TRHDE: variants seen among roughly 807,000 people sequenced by gnomAD.
The protein encoded by TRHDE is thyrotropin releasing hormone degrading enzyme.
Under a neutral mutation model 125.7 loss-of-function variants are expected in TRHDE, and 72 were observed. The observed-to-expected ratio is 0.57, with a 90% confidence interval of 0.47 to 0.70. TRHDE has a LOEUF of 0.70. Ranked by LOEUF, TRHDE falls within the 30% of genes least tolerant of loss-of-function variation. The pLI is 0.00. For synonymous variants in TRHDE, 509 were observed against 509.1 expected (o/e 1.00, Z 0.00); for missense variants, 1,110 against 1,327.1 (o/e 0.84, Z 2.54).
chr12:72,246,332 T>TG (rs1284353507), intron 2 of TRHDE, among the ~76,000 whole-genome samples: 9 of 152,218 alleles, frequency 5.9e-5, no homozygotes, highest in Non-Finnish European at 1.2e-4. Context: ...TGACTTCTGA[T>TG]GCATTATTCT....
chr12:72,609,970 C>G (rs144655169), intron 12 of TRHDE, among the ~76,000 whole-genome samples: 1 of 152,046 alleles, frequency 6.6e-6, no homozygotes, highest in Non-Finnish European at 1.5e-5. Flanking sequence ...TCCATACTAC[C>G]TTTAAGAGTT....
chr12:72,178,405 G>A (rs994872923), intron 2 of TRHDE, among the ~76,000 whole-genome samples: 2 of 152,006 alleles, frequency 1.3e-5, no homozygotes, highest in Admixed American at 6.5e-5. Flanking sequence ...TACATAAAGT[G>A]GTTTAGAACT....
At chr12:72,359,853 A>G (rs1870989335) in intron 2 of TRHDE, among the ~76,000 whole-genome samples, 1 of 151,748 alleles carries the variant, frequency 6.6e-6, no homozygotes, top group Non-Finnish European at 1.5e-5. Flanking sequence ...TTGGTCTTAC[A>G]AGGCTTCAGG....
intron 1 of TRHDE, among the ~76,000 whole-genome samples, chr12:72,285,723 G>A (rs1177622703): frequency 6.6e-6 from 1 of 152,024 alleles, no homozygotes; most frequent in African/African-American, 2.4e-5. Context: ...GTTTCACCAT[G>A]TTGGCCAGGA....
intron 16 of TRHDE, 71 bp downstream of exon 16, chr12:72,652,560 G>T: frequency 7.9e-7 from 1 of 1,270,020 alleles, no homozygotes; most frequent in Admixed American, 2.4e-5. Flanking sequence ...CTCTGAAGTT[G>T]CTTTTATTTA....
At position 72,666,920 on chromosome 12, in the gene TRHDE, C is replaced by A. The variant is rs1565828755; in HGVS notation, c.*3725C>A. 6.6e-6 allele frequency: 1 copy of A among 151,782 alleles called. No individual in the cohort carries two copies. The highest frequency in any genetic ancestry group is 6.6e-5 in the Admixed American group (1 of 15,202). The allele number at this position is 151,782 out of a possible 1,614,324, so 9.4% of individuals were successfully genotyped here. A position where few individuals can be genotyped will look rare whatever the true frequency, so the allele number is the denominator to read the frequency against. The stretch of plus-strand genomic sequence containing the variant: ...TTTATTGAACATTGTTTAAACATAA[C>A]CTTAAAGTACTGATAATTTGCTTAA... On this transcript the variant is annotated 3_prime_UTR_variant, in exon 19 of 19. Transcript: ENST00000261180.
chr12:72,562,221 A>C lies in TRHDE; in HGVS notation c.1845A>C (p.Thr615=). The C allele has an allele frequency of 6.5e-7, 1 of 1,543,478 alleles. No homozygotes were observed. The highest frequency in any genetic ancestry group is 1.2e-5 in the South Asian group (1 of 86,074). ...GNAARNDLWN[T]LSEALKRNGK... is the part of the protein sequence containing the mutation. ...CAGCCAGAAATGATCTCTGGAATACATTATCGGAGGTAAAGTATAGGAAGC... is the reference window on the plus strand; with the variant it reads ...CAGCCAGAAATGATCTCTGGAATACCTTATCGGAGGTAAAGTATAGGAAGC... The change falls in exon 8 of 19, where the codon ACA becomes ACC. Residue 615 remains threonine, a synonymous_variant. Transcript: ENST00000261180.
At chr12:72,491,459 T>C (rs905547629) in intron 5 of TRHDE, among the ~76,000 whole-genome samples, 2 of 151,974 alleles carry the variant, frequency 1.3e-5, no homozygotes, top group South Asian at 2.1e-4. Context: ...TGAGTAAGTC[T>C]GCAGAATAAT....
At chr12:72,400,812 G>A (rs1366636789) in intron 3 of TRHDE, among the ~76,000 whole-genome samples, 2 of 152,066 alleles carry the variant, frequency 1.3e-5, no homozygotes, top group Non-Finnish European at 2.9e-5. Context: ...GTTGAATAAT[G>A]TTCTCTTGTG....
chr12:72,200,067 A>G (rs1877524828), intron 2 of TRHDE, among the ~76,000 whole-genome samples: 1 of 152,202 alleles, frequency 6.6e-6, no homozygotes, highest in African/African-American at 2.4e-5. Flanking sequence ...AGTTTTACAG[A>G]GTTCTAAGAT....
chr12:72,251,138 C>T (rs1439149120), intron 2 of TRHDE, among the ~76,000 whole-genome samples: 1 of 151,634 alleles, frequency 6.6e-6, no homozygotes, highest in Admixed American at 6.6e-5. Context: ...TCAGATTTTA[C>T]CGGTTTTACA....
At position 72,184,957 on chromosome 12, in the gene TRHDE, G is replaced by GC. The variant is rs915433924; in HGVS notation, n.279+79212dup. On this transcript the variant is annotated intron_variant and non_coding_transcript_variant, in intron 2 of 4. Transcript: ENST00000548156. ...TTGGCGGCATCTGAAGAGCCCTTCA[G>GC]CCCCCCCACTGCACTGTGGGAGCCC... Among the ~76,000 whole-genome samples the GC allele has an allele frequency of 4.6e-5, 7 of 152,202 alleles. No individual in the cohort carries two copies. In the South Asian group the frequency reaches 6.2e-4, roughly 14 times the overall value.
chr12:72,396,392 A>G (rs941927346), intron 3 of TRHDE, among the ~76,000 whole-genome samples: 2 of 152,086 alleles, frequency 1.3e-5, no homozygotes, highest in African/African-American at 4.8e-5. Flanking sequence ...GTCAGCTAAG[A>G]GCCCTATTTT....
At chr12:72,188,908 A>G (rs1428440305) in intron 2 of TRHDE, among the ~76,000 whole-genome samples, 2 of 152,140 alleles carry the variant, frequency 1.3e-5, no homozygotes, top group Admixed American at 6.5e-5. Context: ...AATCTTCCCC[A>G]TCCACATGCT....
At chr12:72,224,434 TA>T (rs1198066730) in intron 2 of TRHDE, among the ~76,000 whole-genome samples, 1 of 152,074 alleles carries the variant, frequency 6.6e-6, no homozygotes, top group African/African-American at 2.4e-5. Flanking sequence ...CTCTCAATAT[TA>T]TATCCTATTC....
chr12:72,238,349 A>T (rs1458700983), intron 2 of TRHDE, among the ~76,000 whole-genome samples: 1 of 67,138 alleles, frequency 1.5e-5, no homozygotes, highest in Non-Finnish European at 3.4e-5. Flanking sequence ...TTATATATAT[A>T]TATATATATA....
chr12:72,402,278 A>C (rs572886546), intron 3 of TRHDE, among the ~76,000 whole-genome samples: 182 of 151,878 alleles, frequency 1.2e-3, no homozygotes, highest in Non-Finnish European at 1.9e-3. Flanking sequence ...TAAAAAAAAA[A>C]CCGCAAAAAA....
At chr12:72,477,696 A>T (rs1342570130) in intron 5 of TRHDE, among the ~76,000 whole-genome samples, 1 of 151,956 alleles carries the variant, frequency 6.6e-6, no homozygotes, top group Non-Finnish European at 1.5e-5. Context: ...ACTCTTGATC[A>T]TTTTAATTTG....
intron 2 of TRHDE, among the ~76,000 whole-genome samples, chr12:72,115,145 C>G (rs1875413366): frequency 6.6e-6 from 1 of 151,776 alleles, no homozygotes; most frequent in African/African-American, 2.4e-5. Context: ...TGACTATACT[C>G]TCCATGTTGT....
Sources: allele counts gnomAD v4.1 joint callset (sites outside exome capture counted in the v4.1 genomes callset), GRCh38; gene constraint gnomAD v4.1.1; transcripts MANE v1.5; gene names NCBI Gene and HGNC (gene_info 2026-07-23, HGNC 2026-07-21).